Variants in UBE2E2 observed in about 807,000 individuals in gnomAD.
The protein encoded by UBE2E2 is ubiquitin conjugating enzyme E2 E2.
In UBE2E2, 6 loss-of-function variants were observed where a neutral mutation model predicts 24.7. The observed-to-expected ratio is 0.24, with a 90% CI of 0.13 to 0.48. The LOEUF (loss-of-function observed/expected upper bound fraction) is 0.48. Among genes scored for constraint, UBE2E2 ranks in the 20% least tolerant of loss-of-function variants. The pLI, the probability that UBE2E2 is intolerant of heterozygous loss-of-function variation, is 0.99. For synonymous variants in UBE2E2, 104 were observed against 83.6 expected (o/e 1.24, Z -1.33); for missense variants, 169 against 245.0 (o/e 0.69, Z 2.07).
At chr3:23,212,476 T>G (rs531686670) in intron 2 of UBE2E2, among the ~76,000 whole-genome samples, 1 of 152,340 alleles carries the variant, frequency 6.6e-6, no homozygotes, top group East Asian at 1.9e-4. Context: ...TTTATTCTGC[T>G]GCTTTTACGG....
chr3:23,498,107 T>C (rs1366717406), intron 3 of UBE2E2, among the ~76,000 whole-genome samples: 2 of 152,170 alleles, frequency 1.3e-5, no homozygotes, highest in African/African-American at 4.8e-5. Flanking sequence ...TGTCTATGTC[T>C]TTTTTAATAG....
rs1400783049 is a variant in UBE2E2 at position 23,589,440 on chromosome 3, AC to A, written c.509-292del. 2.7e-5 allele frequency among the ~76,000 whole-genome samples: 4 copies of A among 145,716 alleles called. No homozygotes were observed. The highest frequency in any genetic ancestry group is 4.5e-5 in the Non-Finnish European group (3 of 66,464). The stretch of plus-strand genomic sequence containing the variant: ...CCTGTCTCAAAAGAAAAAAAAAAAA[AC>A]CAATACGAGGGGAGCAAGGTGAGAA... On this transcript the variant is annotated intron_variant, in intron 5 of 5. Transcript: ENST00000396703. The surrounding 1 kb of genome is among the most constrained non-coding windows in gnomAD (Gnocchi z 4.1).
chr3:23,538,912 A>G (rs1695326308), intron 5 of UBE2E2, among the ~76,000 whole-genome samples: 2 of 152,216 alleles, frequency 1.3e-5, no homozygotes, highest in Admixed American at 1.3e-4. Context: ...GTTGTCTTAC[A>G]AGAGATACTG....
At chr3:23,381,601 T>A (rs1353006563) in intron 3 of UBE2E2, among the ~76,000 whole-genome samples, 1 of 152,196 alleles carries the variant, frequency 6.6e-6, no homozygotes, top group African/African-American at 2.4e-5. Context: ...TTCAGGCACA[T>A]GGAGCATCAC....
chr3:23,530,281 A>G (rs1397408953), intron 4 of UBE2E2, among the ~76,000 whole-genome samples: 1 of 152,166 alleles, frequency 6.6e-6, no homozygotes, highest in African/African-American at 2.4e-5. Context: ...AATTGTTCAG[A>G]TCTCCAATAT....
intron 5 of UBE2E2, among the ~76,000 whole-genome samples, chr3:23,572,200 T>TCA (rs1696245983): frequency 6.6e-6 from 1 of 152,198 alleles, no homozygotes; most frequent in South Asian, 2.1e-4. Flanking sequence ...TCACTACAAG[T>TCA]CACACACTGT....
At chr3:23,459,664 A>G (rs1006027636) in intron 3 of UBE2E2, among the ~76,000 whole-genome samples, 7 of 152,186 alleles carry the variant, frequency 4.6e-5, no homozygotes, top group African/African-American at 1.7e-4. Flanking sequence ...ATACAAACTC[A>G]GCATGTGAAC....
At chr3:23,281,945 T>A (rs1387641422) in intron 3 of UBE2E2, among the ~76,000 whole-genome samples, 1 of 152,032 alleles carries the variant, frequency 6.6e-6, no homozygotes. Context: ...CCACAAAGAG[T>A]TTTGAATGCA....
intron 3 of UBE2E2, among the ~76,000 whole-genome samples, chr3:23,272,970 T>C (rs913746190): frequency 1.3e-5 from 2 of 152,114 alleles, no homozygotes; most frequent in Non-Finnish European, 2.9e-5. Context: ...CTTTTAGTTC[T>C]CTTCAGGCCA....
intron 3 of UBE2E2, among the ~76,000 whole-genome samples, chr3:23,316,449 A>G (rs375686653): frequency 1.3e-5 from 2 of 151,844 alleles, no homozygotes; most frequent in South Asian, 2.1e-4. Flanking sequence ...ACCTAAGGCC[A>G]AGGGCTCTTC....
chr3:23,585,145 G>GT, intron 5 of UBE2E2, among the ~76,000 whole-genome samples: 1 of 152,144 alleles, frequency 6.6e-6, no homozygotes, highest in African/African-American at 2.4e-5. Flanking sequence ...GGAGGCCAAG[G>GT]TGGGAGGACA....
intron 3 of UBE2E2, among the ~76,000 whole-genome samples, chr3:23,456,261 C>A (rs541589103): frequency 6.6e-6 from 1 of 152,150 alleles, no homozygotes; most frequent in African/African-American, 2.4e-5. Context: ...AAATCAAACC[C>A]CTCAAATCAT....
At chr3:23,232,418 C>T (rs1458089859) in intron 3 of UBE2E2, among the ~76,000 whole-genome samples, 1 of 152,168 alleles carries the variant, frequency 6.6e-6, no homozygotes, top group Non-Finnish European at 1.5e-5. Flanking sequence ...TGTTAACATA[C>T]ATTGAGTTCA....
chr3:23,277,937 C>T (rs1288869857), intron 3 of UBE2E2, among the ~76,000 whole-genome samples: 4 of 152,086 alleles, frequency 2.6e-5, no homozygotes, highest in African/African-American at 9.7e-5. Context: ...ATTATTTGCA[C>T]AATATTTTTC....
intron 3 of UBE2E2, among the ~76,000 whole-genome samples, chr3:23,426,395 T>C (rs1462878821): frequency 4.4e-5 from 6 of 137,870 alleles, no homozygotes; most frequent in Non-Finnish European, 9.2e-5. Context: ...TTCAGGAAGC[T>C]CAGAAAGCAT....
intron 4 of UBE2E2, among the ~76,000 whole-genome samples, chr3:23,523,641 C>T (rs561802246): frequency 1.3e-5 from 2 of 151,838 alleles, no homozygotes; most frequent in South Asian, 4.2e-4. Flanking sequence ...AGGTGGTGTT[C>T]TGTTTTGCTA....
chr3:23,520,669 A>G (rs1334614911), intron 4 of UBE2E2, among the ~76,000 whole-genome samples: 1 of 152,244 alleles, frequency 6.6e-6, no homozygotes, highest in Non-Finnish European at 1.5e-5. Flanking sequence ...TTTTAGAGAC[A>G]CAGAGTCTCT....
chr3:23,232,719 G>A (rs961011786), intron 3 of UBE2E2, among the ~76,000 whole-genome samples: 4 of 152,204 alleles, frequency 2.6e-5, no homozygotes, highest in Non-Finnish European at 5.9e-5. Flanking sequence ...AGAATACACT[G>A]AAGAAATCAT....
At chr3:23,294,366 T>C (rs1263682713) in intron 3 of UBE2E2, among the ~76,000 whole-genome samples, 1 of 152,068 alleles carries the variant, frequency 6.6e-6, no homozygotes, top group Non-Finnish European at 1.5e-5. Context: ...GTTAGTTTTA[T>C]AAGAGGAGGT....
Sources: gnomAD v4.1 joint callset for allele counts (sites outside exome capture counted in the v4.1 genomes callset) on GRCh38, gnomAD v4.1.1 for gene constraint, Gnocchi (gnomAD v3.1) non-coding constraint, MANE v1.5 for transcripts, NCBI Gene and HGNC (gene_info 2026-07-23, HGNC 2026-07-21) for gene names.